PAFAH1B1: variants seen among roughly 807,000 people sequenced by gnomAD.
PAFAH1B1 encodes platelet activating factor acetylhydrolase 1b regulatory subunit 1.
PAFAH1B1 carries 2 observed loss-of-function variants against 57.5 expected under a neutral mutation model. That is an observed-to-expected ratio of 0.03 (90% confidence interval 0.01 to 0.11). The LOEUF is 0.11. PAFAH1B1 is among the 10% of genes least tolerant of loss of function. PAFAH1B1 has a pLI of 1.00. For synonymous variants in PAFAH1B1, 152 were observed against 169.6 expected, an observed-to-expected ratio of 0.90 and a Z score of 0.81; for missense variants, 257 against 512.0, an observed-to-expected ratio of 0.50 and a Z score of 4.81.
intron 5 of PAFAH1B1, among the ~76,000 whole-genome samples, chr17:2,668,335 C>A (rs563229621): frequency 2.6e-5 from 4 of 151,560 alleles, no homozygotes; most frequent in Admixed American, 6.6e-5. Context: ...AAGGTAGTTA[C>A]AACTAACCAA....
chr17:2,604,393 AAAG>A (rs2068181587), intron 1 of PAFAH1B1, among the ~76,000 whole-genome samples: 1 of 152,188 alleles, frequency 6.6e-6, no homozygotes, highest in Non-Finnish European at 1.5e-5. Context: ...TTGGTATTTT[AAAG>A]CTGTCCTGAG....
At chr17:2,662,837 A>G (rs1221976478) in intron 2 of PAFAH1B1, among the ~76,000 whole-genome samples, 3 of 152,156 alleles carry the variant, frequency 2.0e-5, no homozygotes, top group Non-Finnish European at 1.5e-5. Flanking sequence ...GAGGCCAGGT[A>G]CAGTGGCTAA....
intron 1 of PAFAH1B1, among the ~76,000 whole-genome samples, chr17:2,596,733 A>G (rs1354502514): frequency 6.6e-6 from 1 of 152,172 alleles, no homozygotes; most frequent in East Asian, 1.9e-4. Context: ...TGTGTCTGAC[A>G]TATCCCTATT....
chr17:2,641,503 A>G (rs2068694225), intron 2 of PAFAH1B1: 1 of 151,818 alleles, frequency 6.6e-6, no homozygotes, highest in Non-Finnish European at 1.5e-5. Context: ...CATATTTTCC[A>G]TAGTTTATCA....
chr17:2,681,501 T>C, intron 10 of PAFAH1B1: 1 of 517,474 alleles, frequency 1.9e-6, no homozygotes, highest in Non-Finnish European at 3.5e-6. Context: ...GGTCTTGCTC[T>C]GTCACCCAGG....
intron 2 of PAFAH1B1, among the ~76,000 whole-genome samples, chr17:2,647,214 G>C (rs761326869): frequency 2.0e-5 from 3 of 152,172 alleles, no homozygotes; most frequent in African/African-American, 7.2e-5. Flanking sequence ...GCTGGGCGTC[G>C]TGGTGCACAC....
At chr17:2,672,222 T>C (rs2069193546) in intron 6 of PAFAH1B1, among the ~76,000 whole-genome samples, 1 of 122,854 alleles carries the variant, frequency 8.1e-6, no homozygotes. Flanking sequence ...AGTTCAAGGC[T>C]ACAGTGAGCT....
chr17:2,654,923 TGA>T (rs2068916566), intron 2 of PAFAH1B1, among the ~76,000 whole-genome samples: 1 of 151,742 alleles, frequency 6.6e-6, no homozygotes, highest in African/African-American at 2.4e-5. Flanking sequence ...ATTACAGGTG[TGA>T]GCCACCCTGC....
intron 2 of PAFAH1B1, among the ~76,000 whole-genome samples, chr17:2,651,871 C>T (rs2068854742): frequency 6.6e-6 from 1 of 152,100 alleles, no homozygotes; most frequent in South Asian, 2.1e-4. Context: ...CCATAGTTGA[C>T]ATTAGGGTTT....
At chr17:2,616,908 C>CAA (rs767115189) in intron 1 of PAFAH1B1, among the ~76,000 whole-genome samples, 4 of 136,184 alleles carry the variant, frequency 2.9e-5, no homozygotes, top group Non-Finnish European at 3.2e-5. Context: ...CTAAAAATAC[C>CAA]AAAAAAAAAA....
In PAFAH1B1 at chr17:2,634,830, T is replaced by C. The variant is rs575579785; in HGVS notation, c.-190-3269T>C. On this transcript the variant is annotated intron_variant, in intron 1 of 10. Coordinates refer to ENST00000397195, the MANE Select transcript of PAFAH1B1 (RefSeq NM_000430.4). The stretch of plus-strand genomic sequence containing the variant: ...TATTCACGCTGTTTTAATTGCCTTC[T>C]TGGCCGATGCTTCCAGTAGACTGTA... Among the ~76,000 whole-genome samples the C allele has an allele frequency of 5.9e-5, 9 of 152,312 alleles. 1 individual carries two copies. The South Asian group carries it at 1.2e-3, about 21-fold the overall frequency.
chr17:2,650,639 C>CA lies in PAFAH1B1; in HGVS notation c.32+12340dup, dbSNP rs10582467. Among the ~76,000 whole-genome samples the CA allele has an allele frequency of 7.9e-3, 854 of 108,718 alleles. 12 individuals are homozygous for CA. Among genetic ancestry groups the CA allele is most frequent in the South Asian group, 0.017 (52 of 3,124 alleles). The allele number at this position is 108,718 out of a possible 152,430, so 71.3% of individuals were successfully genotyped here. A position where few individuals can be genotyped will look rare whatever the true frequency, so the allele number is the denominator to read the frequency against. On this transcript the variant is annotated intron_variant, in intron 2 of 10. Transcript: ENST00000397195. Reference sequence around the variant, plus strand: ...TGGGTGACAGAGCAAGACTCTGTCTCAAAAAAAAAAAAAAAAAAAAAGGAA... The same window carrying CA: ...TGGGTGACAGAGCAAGACTCTGTCTCAAAAAAAAAAAAAAAAAAAAAAGGAA...
chr17:2,672,901 C>G (rs886412253), intron 7 of PAFAH1B1, 144 bp downstream of exon 7: 21 of 668,454 alleles, frequency 3.1e-5, no homozygotes, highest in Admixed American at 1.5e-4. Context: ...AACCCCATCT[C>G]TACTAAAAAT....
chr17:2,623,577 T>C (rs1234376562), intron 1 of PAFAH1B1, among the ~76,000 whole-genome samples: 1 of 150,610 alleles, frequency 6.6e-6, no homozygotes, highest in Non-Finnish European at 1.5e-5. Context: ...TGTTTTTTTT[T>C]CTATCATATA....
At position 2,638,200 on chromosome 17, in the gene PAFAH1B1, A is replaced by T. The variant is rs1231677574; in HGVS notation, c.-89A>T. On this transcript the variant is annotated 5_prime_UTR_variant, in exon 2 of 11. Transcript: ENST00000397195. The stretch of plus-strand genomic sequence containing the variant: ...GTGGAAGACACTTAGTGGCATATTT[A>T]AATTATAAGTCCACGGATCAAAAAG... The T allele has an allele frequency of 1.3e-5, 13 of 1,033,872 alleles. No individual in the cohort carries two copies. Among genetic ancestry groups the T allele is most frequent in the Non-Finnish European group, 1.9e-5 (13 of 671,212 alleles). The allele number at this position is 1,033,872 out of a possible 1,614,324, so 64.0% of individuals were successfully genotyped here.
chr17:2,661,345 G>A (rs945232749), intron 2 of PAFAH1B1, among the ~76,000 whole-genome samples: 33 of 152,154 alleles, frequency 2.2e-4, no homozygotes, highest in Non-Finnish European at 4.7e-4. Context: ...TGTATAAGGT[G>A]TAAGGAAGGG....
chr17:2,669,104 A>G (rs1026700244), intron 5 of PAFAH1B1, among the ~76,000 whole-genome samples: 2 of 152,178 alleles, frequency 1.3e-5, no homozygotes, highest in Non-Finnish European at 2.9e-5. Flanking sequence ...TCAATTTAAT[A>G]GAGTATATGA....
chr17:2,620,862 C>A (rs1173710746), intron 1 of PAFAH1B1, among the ~76,000 whole-genome samples: 3 of 150,542 alleles, frequency 2.0e-5, no homozygotes, highest in Non-Finnish European at 3.0e-5. Context: ...AACTCTGTCT[C>A]AAAAAAAAAG....
At chr17:2,620,932 T>A (rs1354161593) in intron 1 of PAFAH1B1, among the ~76,000 whole-genome samples, 2 of 152,142 alleles carry the variant, frequency 1.3e-5, no homozygotes, top group Non-Finnish European at 2.9e-5. Flanking sequence ...AGGCAAAACA[T>A]CTTTAATTCT....
Sources: allele counts gnomAD v4.1 joint callset (sites outside exome capture counted in the v4.1 genomes callset), GRCh38; gene constraint gnomAD v4.1.1; transcripts MANE v1.5; gene names NCBI Gene and HGNC (gene_info 2026-07-23, HGNC 2026-07-21).